AK4: variants seen among roughly 807,000 people sequenced by gnomAD.
AK4 encodes the protein adenylate kinase 4, mitochondrial.
AK4 carries 13 observed loss-of-function variants against 24.6 expected under a neutral mutation model. That is an observed-to-expected ratio of 0.53 (90% CI 0.34 to 0.84). The LOEUF (loss-of-function observed/expected upper bound fraction) is 0.84. AK4 is among the 40% of genes least tolerant of loss of function. AK4 has a pLI of 0.01. For synonymous variants in AK4, 88 were observed against 107.0 expected, an observed-to-expected ratio of 0.82 and a Z score of 1.10; for missense variants, 192 against 288.2, an observed-to-expected ratio of 0.67 and a Z score of 2.42.
At chr1:65,190,576 A>G in intron 1 of AK4, 134 bp from the exon 2 acceptor site, 1 of 1,029,370 alleles carries the variant, frequency 9.7e-7, no homozygotes, top group Non-Finnish European at 1.4e-6. Flanking sequence ...TTAAAAACTT[A>G]AAACATGTCT....
intron 2 of AK4, among the ~76,000 whole-genome samples, chr1:65,206,860 C>T (rs1557462865): frequency 6.6e-6 from 1 of 152,218 alleles, no homozygotes; most frequent in Non-Finnish European, 1.5e-5. Context: ...CAGCTCCTTC[C>T]TCAATGGAAT....
rs909069409 is a variant in AK4, at chr1:65,224,972, CAGATAAACACT to C, written c.557+105_557+115del. ...GAGGCAGAGTAGTGTTTCTTTAAGA[CAGATAAACACT>C]AGCGATCCAAAACCTTCCCAGAAGT... On this transcript the variant is annotated intron_variant, in intron 4 of 4. Transcript: ENST00000327299. The C allele has an allele frequency of 1.7e-5, 14 of 823,534 alleles. No individual in the cohort carries two copies. In the Admixed American group the frequency reaches 3.4e-4, roughly 20 times the overall value. 51.0% of individuals were successfully genotyped at this position (823,534 alleles called of 1,614,324 possible). A position where few individuals can be genotyped will look rare whatever the true frequency, so the allele number is the denominator to read the frequency against.
At chr1:65,177,968 G>GT (rs1650773147) in intron 1 of AK4, among the ~76,000 whole-genome samples, 1 of 152,046 alleles carries the variant, frequency 6.6e-6, no homozygotes, top group African/African-American at 2.4e-5. Flanking sequence ...TGCACATGAT[G>GT]TTTCATTTGT....
chr1:65,162,328 G>C (rs1456583530), intron 1 of AK4, among the ~76,000 whole-genome samples: 1 of 152,122 alleles, frequency 6.6e-6, no homozygotes, highest in Non-Finnish European at 1.5e-5. Context: ...GAGAGGATGC[G>C]GGAGGAGGCT....
rs1357299157 is a variant in AK4 at position 65,226,649 on chromosome 1, C to T, written c.*472C>T. On this transcript the variant is annotated 3_prime_UTR_variant, in exon 5 of 5. Transcript: ENST00000327299. Reference sequence around the variant, plus strand: ...TTTCTGGTGTGTGCCCTCCTGGTAACAGTGAAATTGAAGCTACTTACTCAT... The same window carrying T: ...TTTCTGGTGTGTGCCCTCCTGGTAATAGTGAAATTGAAGCTACTTACTCAT... The T allele has an allele frequency of 6.5e-6, 1 of 153,414 alleles. No individual in the cohort carries two copies. Among genetic ancestry groups the T allele is most frequent in the African/African-American group, 2.4e-5 (1 of 41,382 alleles). 9.5% of individuals were successfully genotyped at this position (153,414 alleles called of 1,614,324 possible). A position where few individuals can be genotyped will look rare whatever the true frequency, so the allele number is the denominator to read the frequency against.
At chr1:65,193,725 A>G (rs1461276208) in intron 2 of AK4, among the ~76,000 whole-genome samples, 2 of 152,196 alleles carry the variant, frequency 1.3e-5, no homozygotes, top group African/African-American at 4.8e-5. Context: ...TCAGTCCTCC[A>G]TGTGCAAGGG....
intron 3 of AK4, among the ~76,000 whole-genome samples, chr1:65,221,340 C>T (rs373603689): frequency 3.3e-5 from 5 of 152,048 alleles, no homozygotes; most frequent in Non-Finnish European, 7.4e-5. Context: ...AAAATTTCTT[C>T]GAGGGGCTAA....
Position 65,226,297 on chromosome 1 carries a change from A to C in AK4, c.*120A>C. Reference sequence around the variant, plus strand: ...GCTTGCAGCATCTTTTCTAGTTGAAATGGTGAACTGATAGGAAAACAAATG... The same window carrying C: ...GCTTGCAGCATCTTTTCTAGTTGAACTGGTGAACTGATAGGAAAACAAATG... On this transcript the variant is annotated 3_prime_UTR_variant, in exon 5 of 5. Transcript: ENST00000327299. 1.3e-6 allele frequency: 1 copy of C among 787,394 alleles called. No homozygotes were observed. The highest frequency in any genetic ancestry group is 1.9e-5 in the South Asian group (1 of 51,322). The allele number at this position is 787,394 out of a possible 1,614,324, so 48.8% of individuals were successfully genotyped here.
At chr1:65,209,878 G>A (rs1029288756) in intron 2 of AK4, among the ~76,000 whole-genome samples, 9 of 152,028 alleles carry the variant, frequency 5.9e-5, no homozygotes, top group African/African-American at 1.2e-4. Context: ...CATGAACATG[G>A]CTCACTGCAG....
At chr1:65,178,217 T>C (rs1451786466) in intron 1 of AK4, among the ~76,000 whole-genome samples, 1 of 152,176 alleles carries the variant, frequency 6.6e-6, no homozygotes, top group Admixed American at 6.5e-5. Flanking sequence ...TATAATCTGC[T>C]CTGGAGGATT....
At chr1:65,148,662 G>C in intron 1 of AK4, 110 bp downstream of exon 1, 1 of 1,412,364 alleles carries the variant, frequency 7.1e-7, no homozygotes, top group Non-Finnish European at 9.3e-7. Context: ...CCCGCGTGTG[G>C]TCGTGCAGGC....
chr1:65,220,164 G>C (rs1318340078), intron 3 of AK4, among the ~76,000 whole-genome samples: 1 of 152,106 alleles, frequency 6.6e-6, no homozygotes, highest in African/African-American at 2.4e-5. Flanking sequence ...TCCATGTCTT[G>C]GCATTTATGA....
At chr1:65,214,355 C>T (rs1652059622) in intron 2 of AK4, among the ~76,000 whole-genome samples, 1 of 152,132 alleles carries the variant, frequency 6.6e-6, no homozygotes, top group African/African-American at 2.4e-5. Context: ...AAGTGATCCA[C>T]CCGTCTTGGC....
intron 2 of AK4, 54 bp downstream of exon 2, chr1:65,190,883 T>A: frequency 6.3e-7 from 1 of 1,588,078 alleles, no homozygotes; most frequent in Non-Finnish European, 8.6e-7. Flanking sequence ...GTTAAGGTCT[T>A]GCACACTCCC....
chr1:65,153,129 T>C (rs533725052), intron 1 of AK4, among the ~76,000 whole-genome samples: 2 of 152,344 alleles, frequency 1.3e-5, no homozygotes, highest in East Asian at 1.9e-4. Flanking sequence ...TATCCACTTA[T>C]TGTTGCTTTT....
At chr1:65,185,911 G>C (rs1463101567) in intron 1 of AK4, among the ~76,000 whole-genome samples, 1 of 151,796 alleles carries the variant, frequency 6.6e-6, no homozygotes, top group Non-Finnish European at 1.5e-5. Flanking sequence ...TACTGTGTCT[G>C]GCCTAATATG....
intron 3 of AK4, among the ~76,000 whole-genome samples, chr1:65,221,870 C>T (rs1652304384): frequency 6.6e-6 from 1 of 152,224 alleles, no homozygotes; most frequent in Non-Finnish European, 1.5e-5. Context: ...ACCAGCTCTA[C>T]CAGCTGTGGT....
chr1:65,151,687 G>T (rs1649776412), intron 1 of AK4, among the ~76,000 whole-genome samples: 1 of 152,218 alleles, frequency 6.6e-6, no homozygotes. Flanking sequence ...ATTCTAGACA[G>T]TACATCTTAG....
In AK4 at chr1:65,180,633, G is replaced by A. The variant is rs183927022; in HGVS notation, c.146-10077G>A. 6.0e-3 allele frequency among the ~76,000 whole-genome samples: 916 copies of A among 152,256 alleles called. 4 individuals are homozygous for A. Among genetic ancestry groups the A allele is most frequent in the Middle Eastern group, 0.02 (6 of 294 alleles). ...AGAGATTCAGCAGAGTGATATTAGGGATAACTTATAGAATGAAGTCTTTCT... is the reference window on the plus strand; with the variant it reads ...AGAGATTCAGCAGAGTGATATTAGGAATAACTTATAGAATGAAGTCTTTCT... On this transcript the variant is annotated intron_variant, in intron 1 of 4. Transcript: ENST00000327299.
Sources: allele counts gnomAD v4.1 joint callset (sites outside exome capture counted in the v4.1 genomes callset), GRCh38; gene constraint gnomAD v4.1.1; transcripts MANE v1.5; gene names NCBI Gene and HGNC (gene_info 2026-07-23, HGNC 2026-07-21).